TLK2: variants seen among roughly 807,000 people sequenced by gnomAD.
TLK2 encodes tousled like kinase 2.
In TLK2, 6 loss-of-function variants were observed where a neutral mutation model predicts 117.3. The observed-to-expected ratio is 0.05, with a 90% confidence interval of 0.03 to 0.10. TLK2 has a LOEUF of 0.10. TLK2 is among the 10% of genes least tolerant of loss of function. The probability of loss-of-function intolerance (pLI) is 1.00; values close to 1 mark genes in which losing one functional copy is unlikely to be tolerated. For missense variants in TLK2, 299 were observed against 901.2 expected (o/e 0.33, Z 8.56); for synonymous variants, 257 against 316.7 (o/e 0.81, Z 2.00).
At chr17:62,513,647 G>T (rs1278326391) in intron 2 of TLK2, among the ~76,000 whole-genome samples, 2 of 151,844 alleles carry the variant, frequency 1.3e-5, no homozygotes, top group Non-Finnish European at 2.9e-5. Context: ...TTATACTTTT[G>T]TAAAAAATCA....
At chr17:62,595,338 G>T (rs2082395106) in intron 16 of TLK2, among the ~76,000 whole-genome samples, 1 of 149,928 alleles carries the variant, frequency 6.7e-6, no homozygotes, top group South Asian at 2.1e-4. Context: ...TGTTATTTAA[G>T]GGCCTGCTGT....
chr17:62,547,850 G>A (rs1567894432), intron 7 of TLK2, among the ~76,000 whole-genome samples: 1 of 152,120 alleles, frequency 6.6e-6, no homozygotes, highest in African/African-American at 2.4e-5. Context: ...ATCCAGCACA[G>A]ACAGACCCGG....
chr17:62,576,966 C>CTTTTTTTTTTTTTTTTTTTTTTTTTTTTT (rs59523807), intron 13 of TLK2, among the ~76,000 whole-genome samples, 191 bp downstream of exon 13: 3 of 115,950 alleles, frequency 2.6e-5, no homozygotes, highest in African/African-American at 9.1e-5. Flanking sequence ...CTTTCTTCTT[C>CTTTTTTTTTTTTTTTTTTTTTTTTTTTTT]TTTTTTTTTT....
intron 7 of TLK2, chr17:62,552,010 A>G (rs2078502017): frequency 2.6e-6 from 1 of 385,678 alleles, no homozygotes; most frequent in East Asian, 6.1e-5. Flanking sequence ...GCAAGTTATT[A>G]CAGGAATAAC....
In TLK2 at chr17:62,589,236, A is replaced by G. The variant is rs373979773; in HGVS notation, c.1460+3010A>G. On this transcript the variant is annotated intron_variant, in intron 16 of 21. Coordinates refer to ENST00000346027, the MANE Select transcript of TLK2 (RefSeq NM_006852.6). ...ATTACGACTGCTTTAACTCCCTCAA[A>G]TAACATATTAAAAATTCTGCCGTAG... Among the ~76,000 whole-genome samples, 526 of 152,288 alleles carry G rather than the reference A, an allele frequency of 3.5e-3. 6 individuals carry two copies. The highest frequency in any genetic ancestry group is 0.012 in the African/African-American group (510 of 41,578).
chr17:62,605,811 C>CTG (rs1176623466), intron 19 of TLK2, among the ~76,000 whole-genome samples: 9 of 151,856 alleles, frequency 5.9e-5, no homozygotes, highest in Non-Finnish European at 1.3e-4. Context: ...TTGAGACCAG[C>CTG]CTGGGCAACA....
rs1339821722 is a variant in TLK2 at position 62,576,612 on chromosome 17, A to C, written c.1122-97A>C. 3 of 934,726 alleles carry C rather than the reference A, an allele frequency of 3.2e-6. No homozygotes were observed. In the East Asian group the frequency reaches 7.4e-5, roughly 23 times the overall value. 57.9% of individuals were successfully genotyped at this position (934,726 alleles called of 1,614,324 possible). The stretch of plus-strand genomic sequence containing the variant: ...TTTCAGTCATTTTAACTGAGACTGA[A>C]ACTGAATATGTCTTATAGTATATTT... On this transcript the variant is annotated intron_variant, in intron 12 of 21. Transcript: ENST00000346027.
intron 7 of TLK2, among the ~76,000 whole-genome samples, chr17:62,540,869 C>G (rs2077478494): frequency 6.6e-6 from 1 of 152,138 alleles, no homozygotes; most frequent in Non-Finnish European, 1.5e-5. Flanking sequence ...CATGCCACTC[C>G]CCTGTCGAAA....
At chr17:62,517,964 C>T (rs369217756) in intron 2 of TLK2, among the ~76,000 whole-genome samples, 22 of 152,312 alleles carry the variant, frequency 1.4e-4, no homozygotes, top group Non-Finnish European at 2.4e-4. Context: ...TCCCAAAGTG[C>T]TGGGATTACA....
chr17:62,562,725 C>A (rs2079396021), intron 10 of TLK2, among the ~76,000 whole-genome samples: 1 of 152,206 alleles, frequency 6.6e-6, no homozygotes, highest in South Asian at 2.1e-4. Context: ...AATATTACAG[C>A]TACTTCAGAA....
chr17:62,553,588 A>G (rs2078636911), intron 8 of TLK2, 75 bp from the exon 9 acceptor site: 5 of 1,005,696 alleles, frequency 5.0e-6, no homozygotes, highest in Non-Finnish European at 6.2e-6. Flanking sequence ...CCCCCGAGAA[A>G]GGTAATGAGA....
intron 7 of TLK2, among the ~76,000 whole-genome samples, chr17:62,544,906 A>G (rs979266166): frequency 6.6e-5 from 10 of 152,200 alleles, no homozygotes; most frequent in South Asian, 2.1e-4. Context: ...ATATAGTCCT[A>G]TATTTCTTTT....
chr17:62,569,131 C>G (rs1319115472), intron 11 of TLK2, among the ~76,000 whole-genome samples: 1 of 150,962 alleles, frequency 6.6e-6, no homozygotes, highest in Admixed American at 6.6e-5. Flanking sequence ...ATGGTGAAAC[C>G]CCTTCTCTAC....
intron 2 of TLK2, among the ~76,000 whole-genome samples, chr17:62,482,357 C>G (rs187438521): frequency 7.6e-6 from 1 of 130,822 alleles, no homozygotes; most frequent in Non-Finnish European, 1.7e-5. Flanking sequence ...TTAGTAGCTT[C>G]TCCAAGGAGA....
At chr17:62,484,081 C>G (rs2072031872) in intron 2 of TLK2, among the ~76,000 whole-genome samples, 1 of 152,080 alleles carries the variant, frequency 6.6e-6, no homozygotes, top group Non-Finnish European at 1.5e-5. Flanking sequence ...CTCGGCCTCC[C>G]AAAGTGCTGG....
intron 2 of TLK2, among the ~76,000 whole-genome samples, chr17:62,517,433 T>C (rs2075689398): frequency 6.6e-6 from 1 of 152,126 alleles, no homozygotes; most frequent in Non-Finnish European, 1.5e-5. Context: ...CTCGCTCTGT[T>C]GCCCAGGCTG....
In TLK2 at chr17:62,550,782, C is replaced by T. The variant is rs113092189; in HGVS notation, c.532-1520C>T. 986 of 152,276 alleles carry T rather than the reference C, an allele frequency of 6.5e-3. 5 individuals are homozygous for T. The highest frequency in any genetic ancestry group is 0.011 in the Non-Finnish European group (738 of 68,046). 9.4% of individuals were successfully genotyped at this position (152,276 alleles called of 1,614,324 possible). The stretch of plus-strand genomic sequence containing the variant: ...GAACTCACATAGGTACTTAATATCT[C>T]TGATTTTTATTTTATTTATTTGTAA... On this transcript the variant is annotated intron_variant, in intron 7 of 21. Coordinates refer to ENST00000346027, the MANE Select transcript of TLK2 (RefSeq NM_006852.6).
intron 7 of TLK2, among the ~76,000 whole-genome samples, chr17:62,542,897 C>T (rs1201054054): frequency 9.9e-5 from 15 of 152,130 alleles, no homozygotes; most frequent in Non-Finnish European, 2.1e-4. Flanking sequence ...CCTCCTATCT[C>T]TAAATAGTTA....
intron 12 of TLK2, among the ~76,000 whole-genome samples, chr17:62,576,040 T>G (rs1293094949): frequency 2.0e-5 from 3 of 152,224 alleles, no homozygotes; most frequent in Non-Finnish European, 4.4e-5. Flanking sequence ...AGTTGGAACA[T>G]GAAACACATG....
Sources: gnomAD v4.1 joint callset for allele counts (sites outside exome capture counted in the v4.1 genomes callset) on GRCh38, gnomAD v4.1.1 for gene constraint, MANE v1.5 for transcripts, NCBI Gene and HGNC (gene_info 2026-07-23, HGNC 2026-07-21) for gene names.